The following DCLK1 variants were observed in gnomAD, a reference collection of about 807,000 sequenced individuals.
DCLK1 encodes the protein serine/threonine-protein kinase DCLK1.
Under a neutral mutation model 86.2 loss-of-function variants are expected in DCLK1, and 16 were observed. The ratio of observed to expected loss-of-function variants is 0.19; its 90% CI spans 0.13 to 0.28. DCLK1 has a LOEUF of 0.28. DCLK1 is among the 10% of genes least tolerant of loss of function. The pLI, the probability that DCLK1 is intolerant of heterozygous loss-of-function variation, is 1.00. For missense variants in DCLK1, 590 were observed against 940.2 expected, an observed-to-expected ratio of 0.63 and a Z score of 4.87; for synonymous variants, 369 against 370.5, an observed-to-expected ratio of 1.00 and a Z score of 0.05.
intron 3 of DCLK1, among the ~76,000 whole-genome samples, chr13:36,032,142 T>TC (rs899965512): frequency 2.6e-5 from 4 of 152,018 alleles, no homozygotes; most frequent in Non-Finnish European, 5.9e-5. Context: ...TCTTTTTTTT[T>TC]CTTTTTTCTT....
intron 4 of DCLK1, among the ~76,000 whole-genome samples, chr13:35,930,266 G>T (rs1014219280): frequency 3.9e-5 from 6 of 152,190 alleles, no homozygotes; most frequent in Admixed American, 1.3e-4. Flanking sequence ...CATGTTTGGT[G>T]TGGGAAAACA....
intron 3 of DCLK1, among the ~76,000 whole-genome samples, chr13:35,976,600 G>A (rs1879352949): frequency 2.1e-5 from 3 of 143,528 alleles, no homozygotes; most frequent in South Asian, 2.2e-4. Context: ...GCGGGATCTC[G>A]GCTCACTGCA....
At chr13:35,801,744 A>G (rs2086924541) in intron 15 of DCLK1, among the ~76,000 whole-genome samples, 1 of 152,050 alleles carries the variant, frequency 6.6e-6, no homozygotes. Flanking sequence ...ATAATGAGCA[A>G]CCTGTTTTTT....
intron 3 of DCLK1, among the ~76,000 whole-genome samples, chr13:36,100,916 T>C (rs1885196091): frequency 6.6e-6 from 1 of 152,242 alleles, no homozygotes; most frequent in Non-Finnish European, 1.5e-5. Flanking sequence ...TGGGCATGTC[T>C]AGAAAATTAT....
intron 4 of DCLK1, among the ~76,000 whole-genome samples, chr13:35,937,688 C>A (rs1188253555): frequency 2.6e-5 from 4 of 152,204 alleles, no homozygotes; most frequent in African/African-American, 2.4e-5. Flanking sequence ...GAACTTCCAG[C>A]CTTACATAAA....
At chr13:35,972,657 T>C (rs954787975) in intron 3 of DCLK1, among the ~76,000 whole-genome samples, 4 of 151,920 alleles carry the variant, frequency 2.6e-5, no homozygotes, top group Admixed American at 6.6e-5. Context: ...GGGGCAGCAC[T>C]GAGACAGAGT....
intron 5 of DCLK1, among the ~76,000 whole-genome samples, chr13:35,869,359 C>T (rs1251873618): frequency 5.9e-5 from 9 of 152,164 alleles, no homozygotes; most frequent in African/African-American, 2.2e-4. Context: ...TCCCAGGTGA[C>T]TGACTCTCTG....
At chr13:35,867,909 A>AAAGAAAGAAAGAAAG (rs1555345722) in intron 5 of DCLK1, among the ~76,000 whole-genome samples, 19 of 102,374 alleles carry the variant, frequency 1.9e-4, no homozygotes, top group African/African-American at 7.3e-4. Flanking sequence ...GAAAGAAAGA[A>AAAGAAAGAAAGAAAG]AAAGAAAGAA....
chr13:35,922,741 C>A (rs558813351), intron 4 of DCLK1, among the ~76,000 whole-genome samples: 1 of 152,272 alleles, frequency 6.6e-6, no homozygotes, highest in South Asian at 2.1e-4. Context: ...AAGCCACACA[C>A]CTGGCATGTG....
At chr13:36,124,133 AC>A (rs1387213310) in intron 2 of DCLK1, among the ~76,000 whole-genome samples, 4 of 152,156 alleles carry the variant, frequency 2.6e-5, no homozygotes, top group African/African-American at 9.7e-5. Context: ...CTACAGTACT[AC>A]CGGCCCTCAG....
At chr13:35,913,794 G>A (rs1875191569) in intron 4 of DCLK1, among the ~76,000 whole-genome samples, 1 of 152,054 alleles carries the variant, frequency 6.6e-6, no homozygotes, top group Middle Eastern at 3.2e-3. Context: ...CATGCTTCTA[G>A]ACAAAACAGA....
intron 16 of DCLK1, among the ~76,000 whole-genome samples, chr13:35,775,953 ACAGTAAATGGCTTCGTTAGG>A (rs1378248023): frequency 6.6e-6 from 1 of 152,224 alleles, no homozygotes; most frequent in Non-Finnish European, 1.5e-5. Context: ...TAGAACCAGT[ACAGTAAATGGCTTCGTTAGG>A]CTGAACTGCT....
At chr13:35,821,542 A>T (rs1488619011) in intron 11 of DCLK1, among the ~76,000 whole-genome samples, 1 of 152,072 alleles carries the variant, frequency 6.6e-6, no homozygotes, top group Non-Finnish European at 1.5e-5. Context: ...TAGAAAGAGA[A>T]TCCTCTTTTC....
intron 16 of DCLK1, chr13:35,788,265 G>A: frequency 6.2e-7 from 1 of 1,613,980 alleles, no homozygotes; most frequent in Non-Finnish European, 8.5e-7. Flanking sequence ...CTGATCTCTT[G>A]ATGGTAAACC....
intron 4 of DCLK1, among the ~76,000 whole-genome samples, chr13:35,943,612 G>A (rs752001764): frequency 3.3e-5 from 5 of 152,086 alleles, no homozygotes; most frequent in African/African-American, 9.7e-5. Flanking sequence ...GTGAGGCTCC[G>A]GATGGCAGTG....
chr13:35,904,637 T>C (rs1874578951), intron 4 of DCLK1, among the ~76,000 whole-genome samples: 1 of 152,212 alleles, frequency 6.6e-6, no homozygotes, highest in Non-Finnish European at 1.5e-5. Context: ...TCCTTCCCTT[T>C]TGCCTTTAGG....
At chr13:35,978,956 C>T (rs1879501950) in intron 3 of DCLK1, among the ~76,000 whole-genome samples, 1 of 152,226 alleles carries the variant, frequency 6.6e-6, no homozygotes, top group Admixed American at 6.5e-5. Context: ...GCACCAGCCA[C>T]AGTGCTAAGT....
chr13:35,855,525 A>G (rs1593665584), intron 5 of DCLK1: 1 of 1,607,698 alleles, frequency 6.2e-7, no homozygotes, highest in Non-Finnish European at 8.5e-7. Flanking sequence ...ATGAGTTCTA[A>G]CATGGACACA....
chr13:36,111,841 C>A (rs1028688388), intron 3 of DCLK1, 28 bp downstream of exon 3: 1 of 1,582,266 alleles, frequency 6.3e-7, no homozygotes. Context: ...GCCTTAAAGT[C>A]AAAGTCACAT....
Sources: gnomAD v4.1 joint callset for allele counts (sites outside exome capture counted in the v4.1 genomes callset) on GRCh38, gnomAD v4.1.1 for gene constraint, MANE v1.5 for transcripts, NCBI Gene and HGNC (gene_info 2026-07-23, HGNC 2026-07-21) for gene names.